GOLGA2: variants seen among roughly 807,000 people sequenced by gnomAD.
The protein encoded by GOLGA2 is golgin A2.
Under a neutral mutation model 148.8 loss-of-function variants are expected in GOLGA2, and 49 were observed. The observed-to-expected ratio is 0.33, with a 90% confidence interval of 0.26 to 0.42. The LOEUF (loss-of-function observed/expected upper bound fraction) is 0.42. Ranked by LOEUF, GOLGA2 falls within the 10% of genes least tolerant of loss-of-function variation. GOLGA2 has a pLI of 1.00. For missense variants in GOLGA2, 1,178 were observed against 1,304.6 expected, an observed-to-expected ratio of 0.90 and a Z score of 1.49; for synonymous variants, 501 against 511.8, an observed-to-expected ratio of 0.98 and a Z score of 0.28.
intron 7 of GOLGA2, 68 bp downstream of exon 7, chr9:128,267,390 C>T: frequency 6.7e-6 from 10 of 1,491,000 alleles, no homozygotes; most frequent in Non-Finnish European, 9.4e-6. Flanking sequence ...GGCACCCAGC[C>T]CCCGCTGTGG....
At chr9:128,263,923 G>A (rs1830431939) in intron 12 of GOLGA2, among the ~76,000 whole-genome samples, 2 of 150,324 alleles carry the variant, frequency 1.3e-5, no homozygotes, top group South Asian at 2.1e-4. Context: ...TTGGGAGGCC[G>A]AGGGGGACGG....
Sources: gnomAD v4.1 joint callset for allele counts (sites outside exome capture counted in the v4.1 genomes callset) on GRCh38, gnomAD v4.1.1 for gene constraint, MANE v1.5 for transcripts, NCBI Gene and HGNC (gene_info 2026-07-23, HGNC 2026-07-21) for gene names.